The following TMEM178B variants were observed in gnomAD, a reference collection of about 807,000 sequenced individuals.
The protein encoded by TMEM178B is transmembrane protein 178B.
In TMEM178B, 5 loss-of-function variants were observed where a neutral mutation model predicts 31.0. The ratio of observed to expected loss-of-function variants is 0.16; its 90% confidence interval spans 0.08 to 0.34. The LOEUF is 0.34. Among genes scored for constraint, TMEM178B ranks in the 10% least tolerant of loss-of-function variants. The pLI, the probability that TMEM178B is intolerant of heterozygous loss-of-function variation, is 1.00. For missense variants in TMEM178B, 275 were observed against 400.3 expected (o/e 0.69, Z 2.67); for synonymous variants, 164 against 164.0 (o/e 1.00, Z 0.00).
At chr7:141,202,881 G>T (rs1483430719) in intron 1 of TMEM178B, among the ~76,000 whole-genome samples, 1 of 152,188 alleles carries the variant, frequency 6.6e-6, no homozygotes, top group East Asian at 1.9e-4. Flanking sequence ...TGCCCCATTT[G>T]GGGACAGGGC....
chr7:141,286,509 G>A (rs1798450589), intron 2 of TMEM178B, among the ~76,000 whole-genome samples: 1 of 152,292 alleles, frequency 6.6e-6, no homozygotes, highest in Admixed American at 6.5e-5. Flanking sequence ...TCATTCACGT[G>A]GTAGACATGG....
chr7:141,275,013 G>T lies in TMEM178B; in HGVS notation c.496+62309G>T, dbSNP rs145030931. On this transcript the variant is annotated intron_variant, in intron 2 of 3. Coordinates refer to ENST00000565468, the MANE Select transcript of TMEM178B (RefSeq NM_001195278.2). The stretch of plus-strand genomic sequence containing the variant: ...ATCTCTCAAGAGCTAGCAATGTGGA[G>T]GTTTAGAAAAGGAAACTTAGATAAA... 5.9e-5 allele frequency among the ~76,000 whole-genome samples: 9 copies of T among 152,278 alleles called. No homozygotes were observed. The East Asian group carries it at 1.7e-3, about 29-fold the overall frequency.
At chr7:141,505,471 C>T in the TMEM178B span, among the ~76,000 whole-genome samples, 7 of 152,328 alleles carry the variant, frequency 4.6e-5, no homozygotes, top group South Asian at 1.2e-3. Flanking sequence ...CCCCTTGTGT[C>T]CCTTTCAATC....
the TMEM178B span, among the ~76,000 whole-genome samples, chr7:141,497,099 G>A: frequency 3.9e-5 from 6 of 152,252 alleles, no homozygotes; most frequent in African/African-American, 1.4e-4. Context: ...GTAGCCAGCG[G>A]TGGAGGTGAT....
intron 2 of TMEM178B, among the ~76,000 whole-genome samples, chr7:141,235,921 A>C (rs892652754): frequency 1.3e-5 from 2 of 152,150 alleles, no homozygotes; most frequent in African/African-American, 2.4e-5. Context: ...TGGCCGTCCC[A>C]GCTCAGCCTT....
At chr7:141,432,150 T>TC in intron 2 of TMEM178B, among the ~76,000 whole-genome samples, 1 of 8,700 alleles carries the variant, frequency 1.1e-4, no homozygotes, top group Admixed American at 1.5e-3. Context: ...CTGCATCTTT[T>TC]TTTTTTTTTT....
At chr7:141,133,649 G>A (rs569677236) in intron 1 of TMEM178B, among the ~76,000 whole-genome samples, 13 of 152,260 alleles carry the variant, frequency 8.5e-5, no homozygotes, top group African/African-American at 2.4e-4. Context: ...GAGAGGCAAA[G>A]GCGTAGAAAA....
At chr7:141,080,910 C>T (rs1027137423) in intron 1 of TMEM178B, among the ~76,000 whole-genome samples, 2 of 152,148 alleles carry the variant, frequency 1.3e-5, no homozygotes, top group African/African-American at 4.8e-5. Context: ...CTGGTGTAAA[C>T]AAAGCTACTG....
chr7:141,464,492 A>G (rs1199652969), intron 3 of TMEM178B, among the ~76,000 whole-genome samples: 3 of 152,116 alleles, frequency 2.0e-5, no homozygotes, highest in Admixed American at 6.5e-5. Flanking sequence ...TCAACTTTTC[A>G]TTTATGCACG....
At chr7:141,086,217 G>A (rs76275021) in intron 1 of TMEM178B, among the ~76,000 whole-genome samples, 4,014 of 151,294 alleles carry the variant, frequency 0.027, 87 homozygotes, top group Non-Finnish European at 0.041. Context: ...TATACAGCAG[G>A]GATGGGGTTT....
Position 141,344,559 on chromosome 7 carries a change from CCATTCCTCCCT to C in TMEM178B, c.497-93047_497-93037del, listed in dbSNP as rs1799574773. ...GATTTTAGTTTCTCCCTCCCTCCCTCCATTCCTCCCTCCTCCCTTCCTTCCTTCCTTCCTTC... is the reference window on the plus strand; with the variant it reads ...GATTTTAGTTTCTCCCTCCCTCCCTCCCTCCCTTCCTTCCTTCCTTCCTTC... On this transcript the variant is annotated intron_variant, in intron 2 of 3. Coordinates refer to ENST00000565468, the MANE Select transcript of TMEM178B (RefSeq NM_001195278.2). This position sits in a 1 kb window ranked among gnomAD's most constrained non-coding sequence, Gnocchi z 4.1. Among the ~76,000 whole-genome samples, 3 of 149,896 alleles carry C rather than the reference CCATTCCTCCCT, an allele frequency of 2.0e-5. No individual in the cohort carries two copies. Among genetic ancestry groups the C allele is most frequent in the African/African-American group, 4.9e-5 (2 of 40,482 alleles).
At chr7:141,336,073 T>C (rs1799380870) in intron 2 of TMEM178B, among the ~76,000 whole-genome samples, 1 of 152,200 alleles carries the variant, frequency 6.6e-6, no homozygotes, top group Admixed American at 6.5e-5. Flanking sequence ...GAAAGAGTAA[T>C]CGTCACTTGC....
chr7:141,325,553 G>A (rs181265432), intron 2 of TMEM178B, among the ~76,000 whole-genome samples: 1 of 152,256 alleles, frequency 6.6e-6, no homozygotes, highest in Admixed American at 6.5e-5. Flanking sequence ...CATAGGGATT[G>A]GGCTTATGGT....
At chr7:141,370,148 G>A (rs953870844) in intron 2 of TMEM178B, among the ~76,000 whole-genome samples, 9 of 152,106 alleles carry the variant, frequency 5.9e-5, no homozygotes, top group Non-Finnish European at 1.2e-4. Context: ...AGAGGGAGAA[G>A]TCATAGCAGG....
intron 2 of TMEM178B, among the ~76,000 whole-genome samples, chr7:141,281,711 C>T (rs142574051): frequency 3.7e-4 from 57 of 152,204 alleles, no homozygotes; most frequent in South Asian, 2.9e-3. Context: ...AAGTCTCCAA[C>T]GATGGGTCAG....
chr7:141,231,181 G>A (rs34442716), intron 2 of TMEM178B, among the ~76,000 whole-genome samples: 8,555 of 152,154 alleles, frequency 0.056, 313 homozygotes, highest in East Asian at 0.14. Context: ...CATTTCCAGC[G>A]CCTAGAACAG....
intron 1 of TMEM178B, among the ~76,000 whole-genome samples, chr7:141,169,369 A>G (rs1028243076): frequency 2.0e-5 from 3 of 152,264 alleles, no homozygotes; most frequent in African/African-American, 7.2e-5. Flanking sequence ...TGCAAAGGAC[A>G]TAATATCATT....
intron 3 of TMEM178B, among the ~76,000 whole-genome samples, chr7:141,463,166 T>A (rs1204661092): frequency 6.6e-6 from 1 of 152,210 alleles, no homozygotes; most frequent in Non-Finnish European, 1.5e-5. Flanking sequence ...GTGAGAGTCC[T>A]GGCACAGAAA....
intron 1 of TMEM178B, among the ~76,000 whole-genome samples, chr7:141,135,446 A>C (rs10274563): frequency 6.6e-6 from 1 of 152,210 alleles, no homozygotes; most frequent in African/African-American, 2.4e-5. Flanking sequence ...TCATCAGTAC[A>C]TAGAACGTTC....
Sources: gnomAD v4.1 joint callset for allele counts (sites outside exome capture counted in the v4.1 genomes callset) on GRCh38, gnomAD v4.1.1 for gene constraint, Gnocchi (gnomAD v3.1) non-coding constraint, MANE v1.5 for transcripts, NCBI Gene and HGNC (gene_info 2026-07-23, HGNC 2026-07-21) for gene names.